Variants in DHDH observed in about 807,000 individuals in gnomAD.
DHDH encodes the protein trans-1,2-dihydrobenzene-1,2-diol dehydrogenase.
In DHDH, 29 loss-of-function variants were observed where a neutral mutation model predicts 33.2. That is an observed-to-expected ratio of 0.87 (90% CI 0.65 to 1.19). The LOEUF is 1.19. DHDH is among the 50% of genes most tolerant of loss of function. The probability of loss-of-function intolerance (pLI) is 0.00; values close to 1 mark genes in which losing one functional copy is unlikely to be tolerated. For synonymous variants in DHDH, 201 were observed against 187.9 expected (o/e 1.07, Z -0.57); for missense variants, 431 against 455.0 (o/e 0.95, Z 0.48).
In DHDH at chr19:48,944,341, T is replaced by G. The variant is rs749613969; in HGVS notation, c.745-16T>G. The G allele has an allele frequency of 1.2e-6, 2 of 1,613,106 alleles. No individual in the cohort carries two copies. Among genetic ancestry groups the G allele is most frequent in the Non-Finnish European group, 8.5e-7 (1 of 1,179,696 alleles). The stretch of plus-strand genomic sequence containing the variant: ...CGTTGGTGAAGGCAGCAGTGCCACT[T>G]CTTCTCTCCCTCCAGCTCCTCAACC... On this transcript the variant is annotated splice_polypyrimidine_tract_variant and intron_variant, in intron 5 of 6. Transcript: ENST00000221403.
chr19:48,944,193 C>T (rs1023217696), intron 5 of DHDH, among the ~76,000 whole-genome samples, 164 bp from the exon 6 acceptor site: 1 of 152,172 alleles, frequency 6.6e-6, no homozygotes, highest in East Asian at 1.9e-4. Context: ...CTTCTAGCAA[C>T]TAGAAATGAA....
chr19:48,942,588 C>T, intron 5 of DHDH, 24 bp downstream of exon 5: 1 of 1,603,564 alleles, frequency 6.2e-7, no homozygotes, highest in Non-Finnish European at 8.5e-7. Flanking sequence ...GGCCCAAGCG[C>T]TGGGGATCGT....
chr19:48,934,444 A>G (rs2037743997), intron 1 of DHDH, among the ~76,000 whole-genome samples: 1 of 152,176 alleles, frequency 6.6e-6, no homozygotes, highest in South Asian at 2.1e-4. Context: ...TGCAGTTGAG[A>G]TAAGAGGAAG....
At chr19:48,942,646 G>T in intron 5 of DHDH, 82 bp downstream of exon 5, 2 of 1,515,892 alleles carry the variant, frequency 1.3e-6, no homozygotes, top group East Asian at 2.3e-5. Flanking sequence ...CTAGATGAGA[G>T]CTTAACCAGC....
rs55733933 is a variant in DHDH, at chr19:48,936,588, T to C, written c.366+393T>C. 4.5e-3 allele frequency among the ~76,000 whole-genome samples: 669 copies of C among 150,094 alleles called. 7 individuals are homozygous for C. The highest frequency in any genetic ancestry group is 0.015 in the African/African-American group (635 of 40,984). ...GCGGGCGCCTGTAGTCCCAGCTACT[T>C]GGGAGGCTGAGGCAGGAGAATGGCG... On this transcript the variant is annotated intron_variant, in intron 3 of 6. Coordinates refer to ENST00000221403, the MANE Select transcript of DHDH (RefSeq NM_014475.4).
intron 5 of DHDH, among the ~76,000 whole-genome samples, chr19:48,943,521 G>A (rs192321233): frequency 1.5e-4 from 23 of 151,630 alleles, no homozygotes; most frequent in African/African-American, 5.3e-4. Flanking sequence ...GTGAAACCCC[G>A]TCTCTACTAA....
chr19:48,935,150 C>T, intron 2 of DHDH, 39 bp downstream of exon 2: 1 of 1,481,212 alleles, frequency 6.8e-7, no homozygotes, highest in Non-Finnish European at 9.0e-7. Flanking sequence ...GCCGCCGCCC[C>T]TGGAGCGGTG....
Position 48,935,029 on chromosome 19 carries a change from C to A in DHDH, c.120C>A (p.Ser40Arg). 6.3e-7 allele frequency: 1 copy of A among 1,580,790 alleles called. No individual in the cohort carries two copies. Among genetic ancestry groups the A allele is most frequent in the Non-Finnish European group, 8.6e-7 (1 of 1,165,868 alleles). Residue 40 changes from serine to arginine, a missense_variant, in exon 2 of 7, where the codon AGC becomes AGA. Ser to Arg is a moderately radical substitution (Grantham distance 110, BLOSUM62 -1). Coordinates refer to ENST00000221403, the MANE Select transcript of DHDH (RefSeq NM_014475.4). The part of the protein sequence containing the change: ...QVVAVAARDL[S>R]RAKEFAQKHD... ...TGGCGGTGGCGGCCCGCGATCTGAGCCGTGCGAAGGAGTTTGCACAGAAAC... is the reference window on the plus strand; with the variant it reads ...TGGCGGTGGCGGCCCGCGATCTGAGACGTGCGAAGGAGTTTGCACAGAAAC...
rs1600091383 is a variant in DHDH at position 48,944,410 on chromosome 19, G to A, written c.798G>A (p.Lys266=). Residue 266 remains lysine, a synonymous_variant, in exon 6 of 7, where the codon AAG becomes AAA. Coordinates refer to ENST00000221403, the MANE Select transcript of DHDH (RefSeq NM_014475.4). ...PTELVVKGEH[K]EFPLPPVPKD... Reference sequence around the variant, plus strand: ...AGCTGGTGGTGAAGGGGGAGCATAAGGAGTTCCCGCTGCCCCCAGTCCCAA... The same window carrying A: ...AGCTGGTGGTGAAGGGGGAGCATAAAGAGTTCCCGCTGCCCCCAGTCCCAA... 1 of 1,614,174 alleles carries A rather than the reference G, an allele frequency of 6.2e-7. No individual in the cohort carries two copies. The highest frequency in any genetic ancestry group is 8.5e-7 in the Non-Finnish European group (1 of 1,180,020).
chr19:48,933,432 C>T (rs1026165780), upstream of DHDH, among the ~76,000 whole-genome samples: 1 of 152,164 alleles, frequency 6.6e-6, no homozygotes, highest in Non-Finnish European at 1.5e-5. Flanking sequence ...CAAACCTCTC[C>T]TCCCCACGCT....
chr19:48,933,713 A>T lies in DHDH; in HGVS notation c.-9A>T. The T allele has an allele frequency of 1.2e-6, 2 of 1,613,226 alleles. No individual in the cohort carries two copies. The highest frequency in any genetic ancestry group is 1.7e-6 in the Non-Finnish European group (2 of 1,179,914). On this transcript the variant is annotated 5_prime_UTR_variant, in exon 1 of 7. Transcript: ENST00000221403. ...GGACCGAAGGTGCCGAGGGCTCCGC[A>T]TCGCAACCATGGCGCTGCGCTGGGG...
chr19:48,943,898 G>A (rs2037902079), intron 5 of DHDH, among the ~76,000 whole-genome samples: 4 of 151,892 alleles, frequency 2.6e-5, no homozygotes, highest in Admixed American at 2.6e-4. Flanking sequence ...GGGAGGCTGA[G>A]GCAGAAAAAT....
Position 48,944,436 on chromosome 19 carries a change from A to C in DHDH, c.824A>C (p.Lys275Thr). The C allele has an allele frequency of 1.2e-6, 2 of 1,614,046 alleles. No homozygotes were observed. Among genetic ancestry groups the C allele is most frequent in the Non-Finnish European group, 1.7e-6 (2 of 1,179,938 alleles). ...GAGTTCCCGCTGCCCCCAGTCCCAA[A>C]GGACTGCAATTTTGACAACGGGGCA... ...HKEFPLPPVPKDCNFDNGAGM... is the reference protein window; with the variant it reads ...HKEFPLPPVPTDCNFDNGAGM... Residue 275 changes from lysine (K) to threonine (T), a missense_variant, in exon 6 of 7, where the codon AAG becomes ACG. By Grantham distance (78) the Lys-to-Thr change is moderately conservative. Transcript: ENST00000221403.
rs756697763 is a variant in DHDH at position 48,939,613 on chromosome 19, C to T, written c.531C>T (p.Ile177=). 2.5e-5 allele frequency: 41 copies of T among 1,614,012 alleles called. No individual in the cohort carries two copies. In the South Asian group the frequency reaches 2.9e-4, roughly 11 times the overall value. The change falls in exon 4 of 7, where the codon ATC becomes ATT. Residue 177 remains isoleucine, a synonymous_variant. Transcript: ENST00000221403. ...RAQAGGALLD[I]GIYCVQFTSM... Reference sequence around the variant, plus strand: ...AGGCTGGGGGGGCCCTGCTGGACATCGGCATCTACTGTGTCCAGTTCACCT... The same window carrying T: ...AGGCTGGGGGGGCCCTGCTGGACATTGGCATCTACTGTGTCCAGTTCACCT...
At chr19:48,933,963 T>A (rs1221594617) in intron 1 of DHDH, 152 bp downstream of exon 1, 3 of 681,230 alleles carry the variant, frequency 4.4e-6, no homozygotes, top group Non-Finnish European at 7.6e-6. Flanking sequence ...CCATCTCTGT[T>A]CTGCAAACCT....
At chr19:48,935,140 G>A (rs1039503743) in intron 2 of DHDH, 29 bp downstream of exon 2, 14 of 1,510,834 alleles carry the variant, frequency 9.3e-6, no homozygotes, top group Admixed American at 4.2e-5. Context: ...GGGGGTGCTG[G>A]CCGCCGCCCC....
Position 48,944,501 on chromosome 19 carries a change from C to T in DHDH, c.889C>T (p.Arg297Cys), listed in dbSNP as rs373067981. 20 of 1,604,270 alleles carry T rather than the reference C, an allele frequency of 1.2e-5. No individual in the cohort carries two copies. The highest frequency in any genetic ancestry group is 3.4e-5 in the Admixed American group (2 of 59,472). ...YEAKHVWECL[R>C]KGMKESPVIP... ...GGCCAAGCACGTCTGGGAGTGCCTA[C>T]GCAAGGGTAAGGATATGGATGCGGG... The change falls in exon 6 of 7, where the codon CGC (arginine) becomes TGC (cysteine). Residue 297 changes from arginine (R) to cysteine (C), a missense_variant. Physicochemically the swap from Arg to Cys is radical, Grantham distance 180 (BLOSUM62 -3). Coordinates refer to ENST00000221403, the MANE Select transcript of DHDH (RefSeq NM_014475.4).
intron 5 of DHDH, 69 bp from the exon 6 acceptor site, chr19:48,944,288 A>G: frequency 1.2e-6 from 2 of 1,605,842 alleles, no homozygotes; most frequent in Non-Finnish European, 1.7e-6. Context: ...ACCACCTGGC[A>G]TGTTCCTGGA....
chr19:48,936,547 T>C (rs2037778255), intron 3 of DHDH, among the ~76,000 whole-genome samples: 1 of 151,006 alleles, frequency 6.6e-6, no homozygotes, highest in African/African-American at 2.4e-5. Flanking sequence ...ATACAAAAAA[T>C]TAGCTGGGCG....
Sources: allele counts gnomAD v4.1 joint callset (sites outside exome capture counted in the v4.1 genomes callset), GRCh38; gene constraint gnomAD v4.1.1; transcripts MANE v1.5; gene names NCBI Gene and HGNC (gene_info 2026-07-23, HGNC 2026-07-21).